The following CEP85L variants were observed in gnomAD, a reference collection of about 807,000 sequenced individuals.
CEP85L encodes the protein centrosomal protein of 85 kDa-like.
A neutral mutation model predicts 100.3 loss-of-function variants in CEP85L; 60 were observed. That is an observed-to-expected ratio of 0.60 (90% CI 0.49 to 0.74). The LOEUF (loss-of-function observed/expected upper bound fraction) is 0.74. Ranked by LOEUF, CEP85L falls within the 30% of genes least tolerant of loss-of-function variation. The pLI is 0.00. For missense variants in CEP85L, 973 were observed against 936.2 expected, an observed-to-expected ratio of 1.04 and a Z score of -0.51; for synonymous variants, 319 against 322.7, an observed-to-expected ratio of 0.99 and a Z score of 0.12.
chr6:118,690,734 C>T (rs1200297997), intron 1 of CEP85L, among the ~76,000 whole-genome samples: 1 of 152,226 alleles, frequency 6.6e-6, no homozygotes, highest in African/African-American at 2.4e-5. Context: ...CATAGTGGCT[C>T]ATGTCTCTAA....
rs115424256 is a variant in CEP85L at position 118,483,548 on chromosome 6, C to G, written c.1590+158G>C. Reference sequence around the variant, plus strand: ...TCACTTATTAACTGACAAGAAAGATCTACTTATGCATGCTTAGATAAACAA... The same window carrying G: ...TCACTTATTAACTGACAAGAAAGATGTACTTATGCATGCTTAGATAAACAA... On this transcript the variant is annotated intron_variant, in intron 7 of 12. Transcript: ENST00000368491. Among the ~76,000 whole-genome samples the G allele has an allele frequency of 3.7e-3, 565 of 152,258 alleles. 3 individuals carry two copies. The highest frequency in any genetic ancestry group is 0.013 in the African/African-American group (539 of 41,552).
At chr6:118,467,604 T>A (rs1194038097) in intron 12 of CEP85L, among the ~76,000 whole-genome samples, 1 of 152,174 alleles carries the variant, frequency 6.6e-6, no homozygotes, top group Non-Finnish European at 1.5e-5. Context: ...CGTGGTAAGA[T>A]TCACATTAGG....
At chr6:118,654,623 T>TA (rs1400594783), upstream of CEP85L, among the ~76,000 whole-genome samples, 1 of 152,146 alleles carries the variant, frequency 6.6e-6, no homozygotes, top group Non-Finnish European at 1.5e-5. Flanking sequence ...ATTTATAATT[T>TA]AAAAAAACAC....
intron 2 of CEP85L, among the ~76,000 whole-genome samples, chr6:118,582,702 C>T (rs1212700393): frequency 6.6e-6 from 1 of 152,186 alleles, no homozygotes; most frequent in East Asian, 1.9e-4. Flanking sequence ...ATGAGAATCC[C>T]ACAGCCTTTA....
intron 9 of CEP85L, 38 bp downstream of exon 9, chr6:118,480,358 C>T: frequency 2.7e-6 from 3 of 1,119,484 alleles, no homozygotes; most frequent in Non-Finnish European, 4.0e-6. Context: ...ATCCACATAG[C>T]ATAGATTTCA....
At chr6:118,548,247 A>T (rs1778327328) in intron 3 of CEP85L, 1 of 152,088 alleles carries the variant, frequency 6.6e-6, no homozygotes, top group Admixed American at 6.5e-5. Flanking sequence ...GTGACATCAT[A>T]AGACCTCCCT....
intron 2 of CEP85L, among the ~76,000 whole-genome samples, chr6:118,600,910 G>C (rs1781752758): frequency 6.6e-6 from 1 of 152,008 alleles, no homozygotes; most frequent in South Asian, 2.1e-4. Context: ...TTTCTTTCTA[G>C]GTTGGTACAT....
At chr6:118,654,656 G>T (rs940382612), upstream of CEP85L, among the ~76,000 whole-genome samples, 1 of 152,202 alleles carries the variant, frequency 6.6e-6, no homozygotes, top group African/African-American at 2.4e-5. Flanking sequence ...AGATGGATTT[G>T]ACTATCTTAA....
chr6:118,587,704 C>A (rs1780948812), intron 2 of CEP85L, among the ~76,000 whole-genome samples: 3 of 152,156 alleles, frequency 2.0e-5, no homozygotes. Context: ...TGGACTGACA[C>A]CCCTTGCCAC....
intron 1 of CEP85L, among the ~76,000 whole-genome samples, chr6:118,706,001 A>C (rs1050263108): frequency 6.6e-6 from 1 of 152,180 alleles, no homozygotes; most frequent in Admixed American, 6.5e-5. Flanking sequence ...CACAGTGAGC[A>C]CTGTGCTAAT....
chr6:118,522,891 T>G (rs185175865), intron 4 of CEP85L, among the ~76,000 whole-genome samples: 2 of 150,188 alleles, frequency 1.3e-5, no homozygotes, highest in East Asian at 1.9e-4. Flanking sequence ...AAAAAAAAAT[T>G]GGGGGAATAT....
chr6:118,562,297 A>G (rs1266844627), intron 3 of CEP85L, among the ~76,000 whole-genome samples: 1 of 152,182 alleles, frequency 6.6e-6, no homozygotes. Context: ...TTATAAATAA[A>G]ACTTTTTCAT....
At chr6:118,680,474 G>A (rs1446601030) in intron 1 of CEP85L, among the ~76,000 whole-genome samples, 1 of 152,104 alleles carries the variant, frequency 6.6e-6, no homozygotes, top group Admixed American at 6.5e-5. Context: ...GATATTAGGT[G>A]GGATTGTAGG....
chr6:118,569,481 A>C (rs1779757184), intron 2 of CEP85L, among the ~76,000 whole-genome samples: 1 of 150,952 alleles, frequency 6.6e-6, no homozygotes, highest in Admixed American at 6.6e-5. Flanking sequence ...ATTCAAAAAA[A>C]TAAATAAATA....
chr6:118,620,714 G>A (rs2115273831), intron 2 of CEP85L, among the ~76,000 whole-genome samples: 1 of 152,234 alleles, frequency 6.6e-6, no homozygotes, highest in East Asian at 1.9e-4. Flanking sequence ...ATTTCCTCCT[G>A]GACACCAGCA....
intron 2 of CEP85L, among the ~76,000 whole-genome samples, chr6:118,568,459 T>C (rs1779678041): frequency 6.6e-6 from 1 of 152,078 alleles, no homozygotes; most frequent in Admixed American, 6.6e-5. Context: ...ACAAGAAAAA[T>C]AAATCCATGT....
chr6:118,489,024 T>C (rs1008321850), intron 6 of CEP85L, among the ~76,000 whole-genome samples: 12 of 152,114 alleles, frequency 7.9e-5, no homozygotes, highest in African/African-American at 2.9e-4. Context: ...TCCCAGCACT[T>C]TGGGGGGCCA....
intron 3 of CEP85L, among the ~76,000 whole-genome samples, chr6:118,551,169 T>C (rs902209977): frequency 6.6e-6 from 1 of 151,930 alleles, no homozygotes; most frequent in Non-Finnish European, 1.5e-5. Context: ...AGTCTCTTTG[T>C]ACAATTTCAA....
chr6:118,608,375 G>A (rs906188754), intron 2 of CEP85L, among the ~76,000 whole-genome samples: 9 of 152,004 alleles, frequency 5.9e-5, no homozygotes, highest in Non-Finnish European at 1.2e-4. Flanking sequence ...TACGCCTGAA[G>A]TCCCAGCTAC....
Sources: allele counts gnomAD v4.1 joint callset (sites outside exome capture counted in the v4.1 genomes callset), GRCh38; gene constraint gnomAD v4.1.1; transcripts MANE v1.5; gene names NCBI Gene and HGNC (gene_info 2026-07-23, HGNC 2026-07-21).